Variants in PTGER3 observed in about 807,000 individuals in gnomAD.
The protein encoded by PTGER3 is prostaglandin E2 receptor EP3 subtype.
Under a neutral mutation model 34.7 loss-of-function variants are expected in PTGER3, and 22 were observed. The ratio of observed to expected loss-of-function variants is 0.63; its 90% confidence interval spans 0.45 to 0.91. The LOEUF is 0.91. Among genes scored for constraint, PTGER3 ranks in the 40% least tolerant of loss-of-function variants. The probability of loss-of-function intolerance (pLI) is 0.00; values close to 1 mark genes in which losing one functional copy is unlikely to be tolerated. For missense variants in PTGER3, 468 were observed against 519.4 expected (o/e 0.90, Z 0.96); for synonymous variants, 241 against 230.1 (o/e 1.05, Z -0.43).
chr1:70,968,474 T>A (rs1410560608), downstream of PTGER3, among the ~76,000 whole-genome samples: 2 of 152,158 alleles, frequency 1.3e-5, no homozygotes, highest in Non-Finnish European at 2.9e-5. Flanking sequence ...TGTTGCATAA[T>A]GACAAGAATT....
chr1:71,016,916 A>G (rs1468186539), intron 1 of PTGER3, among the ~76,000 whole-genome samples: 1 of 152,208 alleles, frequency 6.6e-6, no homozygotes, highest in African/African-American at 2.4e-5. Context: ...ATGGACAATT[A>G]TACACCGAAT....
At chr1:70,946,371 T>A (rs1205508785) in intron 4 of PTGER3, among the ~76,000 whole-genome samples, 2 of 152,034 alleles carry the variant, frequency 1.3e-5, no homozygotes. Flanking sequence ...GTTAAGCAAA[T>A]TTCCCCAAAT....
downstream of PTGER3, chr1:70,951,227 TAAAAG>T (rs1435506011): frequency 6.6e-6 from 1 of 152,154 alleles, no homozygotes; most frequent in Non-Finnish European, 1.5e-5. Context: ...TTTTGAATAA[TAAAAG>T]AAAATAACAA....
chr1:71,045,011 G>A (rs1660636167), intron 1 of PTGER3, among the ~76,000 whole-genome samples: 1 of 152,036 alleles, frequency 6.6e-6, no homozygotes, highest in South Asian at 2.1e-4. Flanking sequence ...CCATTCCTCA[G>A]CCATAAAAGT....
chr1:70,868,119 C>G (rs185828706), intron 4 of PTGER3, among the ~76,000 whole-genome samples: 2 of 152,218 alleles, frequency 1.3e-5, no homozygotes, highest in East Asian at 3.9e-4. Flanking sequence ...TTTGCATACA[C>G]TGTCCCCACT....
chr1:70,888,510 GTGTT>G (rs948723784), intron 4 of PTGER3, among the ~76,000 whole-genome samples: 6 of 150,856 alleles, frequency 4.0e-5, no homozygotes, highest in East Asian at 2.0e-4. Flanking sequence ...TTGTGTGTGT[GTGTT>G]TGTTAAGAGC....
chr1:70,924,017 C>A (rs369338231), intron 4 of PTGER3, among the ~76,000 whole-genome samples: 1 of 152,108 alleles, frequency 6.6e-6, no homozygotes, highest in East Asian at 1.9e-4. Context: ...CTTGACTACA[C>A]CATCCCTGTA....
At chr1:70,895,979 G>C (rs796363595) in intron 4 of PTGER3, among the ~76,000 whole-genome samples, 41 of 152,326 alleles carry the variant, frequency 2.7e-4, no homozygotes, top group African/African-American at 9.6e-4. Context: ...GTGCATATGT[G>C]CATGTTGTCT....
chr1:70,855,312 G>A (rs1385244147), intron 4 of PTGER3, among the ~76,000 whole-genome samples: 2 of 152,150 alleles, frequency 1.3e-5, no homozygotes, highest in African/African-American at 4.8e-5. Flanking sequence ...GTCAGGGGCT[G>A]TGAGGAAGGG....
chr1:71,000,823 T>C (rs1300962215), intron 2 of PTGER3, among the ~76,000 whole-genome samples: 2 of 152,150 alleles, frequency 1.3e-5, no homozygotes, highest in Non-Finnish European at 2.9e-5. Flanking sequence ...ATTACAGTAC[T>C]ACTGATTCCT....
chr1:70,940,683 A>C (rs770640932), intron 4 of PTGER3, among the ~76,000 whole-genome samples: 3 of 152,144 alleles, frequency 2.0e-5, no homozygotes, highest in Non-Finnish European at 4.4e-5. Flanking sequence ...CATCATGAGA[A>C]TAGCATGGGA....
At chr1:71,005,003 T>C (rs1382601377) in intron 2 of PTGER3, among the ~76,000 whole-genome samples, 1 of 152,168 alleles carries the variant, frequency 6.6e-6, no homozygotes, top group Non-Finnish European at 1.5e-5. Flanking sequence ...GGCCCTTGCT[T>C]TTAAGGAGTG....
At chr1:70,956,171 T>C (rs1651311525) in intron 2 of PTGER3, among the ~76,000 whole-genome samples, 1 of 152,166 alleles carries the variant, frequency 6.6e-6, no homozygotes, top group South Asian at 2.1e-4. Context: ...CCTCTATATT[T>C]CCTATAATGA....
At chr1:71,004,577 G>T (rs916047219) in intron 2 of PTGER3, among the ~76,000 whole-genome samples, 1 of 152,116 alleles carries the variant, frequency 6.6e-6, no homozygotes, top group Non-Finnish European at 1.5e-5. Flanking sequence ...TTTCTCCTTC[G>T]GAGAGAATTG....
At chr1:70,920,674 A>G (rs1370090472) in intron 4 of PTGER3, among the ~76,000 whole-genome samples, 5 of 152,216 alleles carry the variant, frequency 3.3e-5, no homozygotes, top group Non-Finnish European at 1.5e-5. Context: ...AAGCCATTTC[A>G]ACAACACTAG....
intron 4 of PTGER3, among the ~76,000 whole-genome samples, chr1:70,940,960 G>A (rs1159156706): frequency 6.6e-6 from 1 of 152,090 alleles, no homozygotes; most frequent in Non-Finnish European, 1.5e-5. Flanking sequence ...AAATGAGCAG[G>A]TTAACAAAAA....
At chr1:70,963,502 A>C (rs968092943) in intron 2 of PTGER3, among the ~76,000 whole-genome samples, 2 of 152,128 alleles carry the variant, frequency 1.3e-5, no homozygotes, top group African/African-American at 4.8e-5. Context: ...AGGGGCCCAA[A>C]CTTCAATTCC....
intron 1 of PTGER3, among the ~76,000 whole-genome samples, chr1:71,040,452 C>T (rs1334533456): frequency 6.6e-6 from 1 of 151,418 alleles, no homozygotes; most frequent in East Asian, 1.9e-4. Context: ...AAAAAAAATA[C>T]AAAAATTAGC....
intron 1 of PTGER3, among the ~76,000 whole-genome samples, chr1:71,039,566 C>T (rs1251423079): frequency 2.8e-5 from 4 of 144,510 alleles, no homozygotes; most frequent in African/African-American, 5.3e-5. Flanking sequence ...AGGAGAATGG[C>T]ATGAACCCGG....
Sources: gnomAD v4.1 joint callset for allele counts (sites outside exome capture counted in the v4.1 genomes callset) on GRCh38, gnomAD v4.1.1 for gene constraint, MANE v1.5 for transcripts, NCBI Gene and HGNC (gene_info 2026-07-23, HGNC 2026-07-21) for gene names.